The following CRB1 variants were observed in gnomAD, a reference collection of about 807,000 sequenced individuals.
The protein encoded by CRB1 is protein crumbs homolog 1.
CRB1 carries 83 observed loss-of-function variants against 120.0 expected under a neutral mutation model. That is an observed-to-expected ratio of 0.69 (90% CI 0.58 to 0.83). The LOEUF (loss-of-function observed/expected upper bound fraction) is 0.83. Ranked by LOEUF, CRB1 falls within the 40% of genes least tolerant of loss-of-function variation. The pLI is 0.00. For synonymous variants in CRB1, 625 were observed against 612.5 expected (o/e 1.02, Z -0.30); for missense variants, 1,699 against 1,687.6 (o/e 1.01, Z -0.12).
chr1:197,312,772 A>G (rs1657614522), intron 1 of CRB1, among the ~76,000 whole-genome samples: 1 of 152,210 alleles, frequency 6.6e-6, no homozygotes, highest in Non-Finnish European at 1.5e-5. Context: ...TAATATATCA[A>G]CTGCATTAAT....
upstream of CRB1, among the ~76,000 whole-genome samples, chr1:197,266,681 A>G (rs192652861): frequency 7.9e-5 from 12 of 152,200 alleles, no homozygotes; most frequent in Non-Finnish European, 1.5e-5. Flanking sequence ...TCCTATAACC[A>G]TCCTTTGTAT....
intron 2 of CRB1, 65 bp from the exon 3 acceptor site, chr1:197,344,216 A>G: frequency 6.7e-7 from 1 of 1,488,864 alleles, no homozygotes; most frequent in South Asian, 1.1e-5. Flanking sequence ...GCATTGTCAA[A>G]TTGCTAAATT....
rs779370684 is a variant in CRB1 at position 197,427,957 on chromosome 1, C to T, written c.2632C>T (p.Leu878Phe). 1 of 1,613,944 alleles carries T rather than the reference C, an allele frequency of 6.2e-7. No individual in the cohort carries two copies. The highest frequency in any genetic ancestry group is 1.1e-5 in the South Asian group (1 of 91,082). Residue 878 changes from leucine to phenylalanine, a missense_variant, in exon 7 of 12, where the codon CTT becomes TTT. Coordinates refer to ENST00000367400, the MANE Select transcript of CRB1 (RefSeq NM_201253.3). ...PTNNASLNPV[L>F]VNVTQGCAGD... ...AAACAATGCATCTCTCAATCCAGTT[C>T]TTGTCAATGTAACCCAAGGCTGTGC...
At chr1:197,394,083 A>G (rs1202788040) in intron 5 of CRB1, among the ~76,000 whole-genome samples, 2 of 151,842 alleles carry the variant, frequency 1.3e-5, no homozygotes, top group Non-Finnish European at 2.9e-5. Flanking sequence ...CTATATGCAG[A>G]TTTTCTTCTG....
intron 5 of CRB1, among the ~76,000 whole-genome samples, chr1:197,371,017 C>A (rs1456416329): frequency 6.6e-6 from 1 of 152,178 alleles, no homozygotes; most frequent in Non-Finnish European, 1.5e-5. Flanking sequence ...CACTTTAAAT[C>A]ATTCTGTTTT....
chr1:197,445,145 A>C (rs182008649), intron 11 of CRB1, among the ~76,000 whole-genome samples: 1 of 152,174 alleles, frequency 6.6e-6, no homozygotes, highest in African/African-American at 2.4e-5. Flanking sequence ...ACCTGGTTCT[A>C]AAGAGGGGCT....
chr1:197,412,594 C>T (rs1251487119), intron 5 of CRB1, among the ~76,000 whole-genome samples: 1 of 152,122 alleles, frequency 6.6e-6, no homozygotes, highest in Admixed American at 6.6e-5. Context: ...AATATGTTCC[C>T]TCTCCTTCTT....
Position 197,328,573 on chromosome 1 carries a change from C to A in CRB1, c.222C>A (p.Cys74Ter), listed in dbSNP as rs772819260. The change falls in exon 2 of 12, where the codon TGC (cysteine) becomes TGA (stop). Residue 74 changes from cysteine to a stop codon, truncating the protein, a stop_gained. Coordinates refer to ENST00000367400, the MANE Select transcript of CRB1 (RefSeq NM_201253.3). LOFTEE classifies it high-confidence loss of function. Reference sequence around the variant, plus strand: ...ACTGTGACAACATGAAAGACCCTTGCTTCTCCAATCCCTGTCAAGGAAGTG... The same window carrying A: ...ACTGTGACAACATGAAAGACCCTTGATTCTCCAATCCCTGTCAAGGAAGTG... ...DKDCDNMKDP[C>*]FSNPCQGSAT... is the part of the protein sequence containing the mutation. 6.2e-7 allele frequency: 1 copy of A among 1,614,108 alleles called. No individual in the cohort carries two copies. Among genetic ancestry groups the A allele is most frequent in the Non-Finnish European group, 8.5e-7 (1 of 1,180,042 alleles).
the CRB1 span, among the ~76,000 whole-genome samples, chr1:197,228,147 C>G: frequency 1.3e-5 from 2 of 152,340 alleles, no homozygotes; most frequent in South Asian, 4.1e-4. Flanking sequence ...ATGACATTCC[C>G]TGGAGACATT....
intron 5 of CRB1, among the ~76,000 whole-genome samples, chr1:197,399,097 A>T (rs1662929004): frequency 6.6e-6 from 1 of 152,104 alleles, no homozygotes; most frequent in South Asian, 2.1e-4. Context: ...TTCATCCTCC[A>T]TGAAATGATT....
intron 11 of CRB1, among the ~76,000 whole-genome samples, chr1:197,462,118 ATGT>A (rs1666558389): frequency 6.6e-6 from 1 of 152,138 alleles, no homozygotes; most frequent in African/African-American, 2.4e-5. Context: ...TACACATGTA[ATGT>A]TGTCGTTCTT....
At chr1:197,365,746 G>A (rs1661038433) in intron 5 of CRB1, among the ~76,000 whole-genome samples, 1 of 151,522 alleles carries the variant, frequency 6.6e-6, no homozygotes, top group Non-Finnish European at 1.5e-5. Context: ...GCCAACCTCG[G>A]CCACCTTCTC....
At chr1:197,227,498 T>C in the CRB1 span, among the ~76,000 whole-genome samples, 2 of 151,390 alleles carry the variant, frequency 1.3e-5, no homozygotes, top group Non-Finnish European at 2.9e-5. Context: ...CTCCTTTGAC[T>C]CCATGTCTCA....
chr1:197,313,507 T>C (rs1657670094), intron 1 of CRB1, among the ~76,000 whole-genome samples: 2 of 152,240 alleles, frequency 1.3e-5, no homozygotes, highest in South Asian at 4.1e-4. Context: ...AAATTATGGT[T>C]AATTATAATA....
intron 5 of CRB1, among the ~76,000 whole-genome samples, chr1:197,420,194 A>G (rs774102399): frequency 1.6e-4 from 24 of 152,148 alleles, no homozygotes; most frequent in African/African-American, 4.8e-4. Flanking sequence ...AGTCCTACGC[A>G]TATGTCTGTT....
chr1:197,397,510 A>G (rs534469828), intron 5 of CRB1, among the ~76,000 whole-genome samples: 77 of 152,324 alleles, frequency 5.1e-4, no homozygotes, highest in Middle Eastern at 6.8e-3. Flanking sequence ...AAGCCTGTAC[A>G]CAAATGATTA....
At chr1:197,401,850 G>C (rs186892573) in intron 5 of CRB1, among the ~76,000 whole-genome samples, 26 of 151,258 alleles carry the variant, frequency 1.7e-4, no homozygotes, top group African/African-American at 6.3e-4. Context: ...AGAATTTCAG[G>C]GTCTCAGTCT....
Position 197,427,521 on chromosome 1 carries a change from C to T in CRB1, c.2196C>T (p.Ser732=), listed in dbSNP as rs1664647429. ...TGYVIFTLDE[S]YGDTISLSMF... is the part of the protein sequence containing the mutation. ...ATGTCATCTTTACTCTTGATGAGAGCTATGGAGACACCATCAGCCTCTCCA... is the reference window on the plus strand; with the variant it reads ...ATGTCATCTTTACTCTTGATGAGAGTTATGGAGACACCATCAGCCTCTCCA... Residue 732 remains serine, a synonymous_variant, in exon 7 of 12, where the codon AGC becomes AGT. Coordinates refer to ENST00000367400, the MANE Select transcript of CRB1 (RefSeq NM_201253.3). 2 of 1,613,660 alleles carry T rather than the reference C, an allele frequency of 1.2e-6. No homozygotes were observed. Among genetic ancestry groups the T allele is most frequent in the African/African-American group, 2.7e-5 (2 of 74,868 alleles).
At position 197,421,704 on chromosome 1, in the gene CRB1, G is replaced by A; in HGVS notation, c.1876G>A (p.Ala626Thr). Reference sequence around the variant, plus strand: ...AGTGGGAATGACCAGCAATGGTGTTGCTCTGCTTAACTTCTATAATATGCC... The same window carrying A: ...AGTGGGAATGACCAGCAATGGTGTTACTCTGCTTAACTTCTATAATATGCC... ...LPVGMTSNGVALLNFYNMPST... is the reference protein window; with the variant it reads ...LPVGMTSNGVTLLNFYNMPST... Residue 626 changes from alanine to threonine, a missense_variant, in exon 6 of 12, where the codon GCT becomes ACT. Physicochemically the swap from Ala to Thr is moderately conservative, Grantham distance 58. Coordinates refer to ENST00000367400, the MANE Select transcript of CRB1 (RefSeq NM_201253.3). 1 of 1,614,124 alleles carries A rather than the reference G, an allele frequency of 6.2e-7. No individual in the cohort carries two copies. The highest frequency in any genetic ancestry group is 1.1e-5 in the South Asian group (1 of 91,074).
Sources: gnomAD v4.1 joint callset for allele counts (sites outside exome capture counted in the v4.1 genomes callset) on GRCh38, gnomAD v4.1.1 for gene constraint, MANE v1.5 for transcripts, NCBI Gene and HGNC (gene_info 2026-07-23, HGNC 2026-07-21) for gene names.